The following ARL6IP1 variants were observed in gnomAD, a reference collection of about 807,000 sequenced individuals.
The protein encoded by ARL6IP1 is ADP-ribosylation factor-like protein 6-interacting protein 1.
ARL6IP1 carries 16 observed loss-of-function variants against 30.1 expected under a neutral mutation model. That is an observed-to-expected ratio of 0.53 (90% CI 0.36 to 0.81). The LOEUF is 0.81. ARL6IP1 is among the 30% of genes least tolerant of loss of function. The pLI is 0.01. For synonymous variants in ARL6IP1, 72 were observed against 84.8 expected, an observed-to-expected ratio of 0.85 and a Z score of 0.83; for missense variants, 173 against 242.7, an observed-to-expected ratio of 0.71 and a Z score of 1.91.
chr16:18,801,513 A>G lies in ARL6IP1; in HGVS notation c.-47T>C, dbSNP rs745799515. 6.2e-6 allele frequency: 10 copies of G among 1,602,554 alleles called. No individual in the cohort carries two copies. Among genetic ancestry groups the G allele is most frequent in the Admixed American group, 5.2e-5 (3 of 57,204 alleles). Reference sequence around the variant, plus strand: ...ACAAGCGCAGGCCACCTCCCCAACGAGTCCTCCAACCGAAACCCGCACACC... The same window carrying G: ...ACAAGCGCAGGCCACCTCCCCAACGGGTCCTCCAACCGAAACCCGCACACC... On this transcript the variant is annotated 5_prime_UTR_variant, in exon 1 of 6. Transcript: ENST00000304414.
In ARL6IP1 at chr16:18,798,579, A is replaced by G. The variant is rs921934814; in HGVS notation, c.170+122T>C. The stretch of plus-strand genomic sequence containing the variant: ...GAAGTGCTTATGAGAAACATTCTTT[A>G]TGGGTTCTTTATGGGTTATATATTA... On this transcript the variant is annotated intron_variant, in intron 2 of 5. Coordinates refer to ENST00000304414, the MANE Select transcript of ARL6IP1 (RefSeq NM_015161.3). 2.4e-5 allele frequency: 26 copies of G among 1,066,486 alleles called. No individual in the cohort carries two copies. The African/African-American group carries it at 3.6e-4, about 15-fold the overall frequency. The allele number at this position is 1,066,486 out of a possible 1,614,324, so 66.1% of individuals were successfully genotyped here.
intron 3 of ARL6IP1, among the ~76,000 whole-genome samples, chr16:18,796,893 A>G (rs1162400338): frequency 6.6e-6 from 1 of 152,254 alleles, no homozygotes; most frequent in Non-Finnish European, 1.5e-5. Context: ...AAACAACCAA[A>G]GGCACAAGTA....
chr16:18,793,159 A>T lies in ARL6IP1; in HGVS notation c.*93T>A. 1 of 796,742 alleles carries T rather than the reference A, an allele frequency of 1.3e-6. No homozygotes were observed. The highest frequency in any genetic ancestry group is 2.0e-6 in the Non-Finnish European group (1 of 491,650). 49.4% of individuals were successfully genotyped at this position (796,742 alleles called of 1,614,324 possible). On this transcript the variant is annotated 3_prime_UTR_variant, in exon 6 of 6. Transcript: ENST00000304414. ...GCAGAGTGAGGGAGAACAAAGAGCT[A>T]CTTCCGTAACATTTTAGTATCCAGA... is the stretch of plus-strand genomic sequence containing the variant.
rs144758973 is a variant in ARL6IP1, at chr16:18,792,112, A to T, written c.*1140T>A. ...AGCTACCAAGAAGTTAAGAATGATTATAAGAAGCTTTCCAAGGAGTTATGA... is the reference window on the plus strand; with the variant it reads ...AGCTACCAAGAAGTTAAGAATGATTTTAAGAAGCTTTCCAAGGAGTTATGA... On this transcript the variant is annotated 3_prime_UTR_variant, in exon 6 of 6. Coordinates refer to ENST00000304414, the MANE Select transcript of ARL6IP1 (RefSeq NM_015161.3). 0.011 allele frequency: 1,659 copies of T among 152,392 alleles called. 16 individuals are homozygous for T. Among genetic ancestry groups the T allele is most frequent in the Non-Finnish European group, 0.018 (1,235 of 68,036 alleles). 9.4% of individuals were successfully genotyped at this position (152,392 alleles called of 1,614,324 possible). A position where few individuals can be genotyped will look rare whatever the true frequency, so the allele number is the denominator to read the frequency against.
chr16:18,794,539 G>C, intron 5 of ARL6IP1, 60 bp downstream of exon 5: 1 of 1,264,528 alleles, frequency 7.9e-7, no homozygotes, highest in Non-Finnish European at 1.2e-6. Flanking sequence ...GTTTACTGAC[G>C]AAGTTACAGT....
rs2030283876 is a variant in ARL6IP1 at position 18,797,714 on chromosome 16, G to A, written c.290+211C>T. On this transcript the variant is annotated intron_variant, in intron 3 of 5. Transcript: ENST00000304414. ...TCAATGGAAATGTAAAAATGTATATGTGCATTTACCATAAAAGAACTATGG... is the reference window on the plus strand; with the variant it reads ...TCAATGGAAATGTAAAAATGTATATATGCATTTACCATAAAAGAACTATGG... The A allele has an allele frequency of 6.5e-6, 3 of 464,822 alleles. No homozygotes were observed. In the South Asian group the frequency reaches 1.2e-4, roughly 19 times the overall value. 28.8% of individuals were successfully genotyped at this position (464,822 alleles called of 1,614,324 possible). A position where few individuals can be genotyped will look rare whatever the true frequency, so the allele number is the denominator to read the frequency against.
At chr16:18,798,102 C>T in intron 2 of ARL6IP1, 58 bp from the exon 3 acceptor site, 2 of 1,473,142 alleles carry the variant, frequency 1.4e-6, no homozygotes, top group Non-Finnish European at 1.8e-6. Context: ...CCTAACTAAA[C>T]ATGTCTAACT....
rs567219936 is a variant in ARL6IP1, at chr16:18,799,758, T to G, written c.37-924A>C. Among the ~76,000 whole-genome samples the G allele has an allele frequency of 1.1e-3, 169 of 152,308 alleles. 1 individual carries two copies. The highest frequency in any genetic ancestry group is 3.9e-3 in the African/African-American group (163 of 41,572). On this transcript the variant is annotated intron_variant, in intron 1 of 5. Transcript: ENST00000304414. ...GTCAATATACCTCCTCAATACAGTGTTTCTTACCACTCAGGATGTCATTTT... is the reference window on the plus strand; with the variant it reads ...GTCAATATACCTCCTCAATACAGTGGTTCTTACCACTCAGGATGTCATTTT...
At position 18,801,523 on chromosome 16, in the gene ARL6IP1, C is replaced by A. The variant is rs942565508; in HGVS notation, c.-57G>T. Reference sequence around the variant, plus strand: ...GCCACCTCCCCAACGAGTCCTCCAACCGAAACCCGCACACCAACCACAACC... The same window carrying A: ...GCCACCTCCCCAACGAGTCCTCCAAACGAAACCCGCACACCAACCACAACC... On this transcript the variant is annotated 5_prime_UTR_variant, in exon 1 of 6. Coordinates refer to ENST00000304414, the MANE Select transcript of ARL6IP1 (RefSeq NM_015161.3). 6.9e-6 allele frequency: 11 copies of A among 1,594,542 alleles called. No individual in the cohort carries two copies. Among genetic ancestry groups the A allele is most frequent in the Non-Finnish European group, 9.4e-6 (11 of 1,171,862 alleles).
rs777650516 is a variant in ARL6IP1, at chr16:18,793,333, A to C, written c.531T>G (p.His177Gln). The C allele has an allele frequency of 2.5e-6, 4 of 1,612,786 alleles. No individual in the cohort carries two copies. In the African/African-American group the frequency reaches 5.3e-5, roughly 22 times the overall value. The change falls in exon 6 of 6, where the codon CAT becomes CAG. Residue 177 changes from histidine to glutamine, a missense_variant. His to Gln is a conservative substitution (Grantham distance 24). Coordinates refer to ENST00000304414, the MANE Select transcript of ARL6IP1 (RefSeq NM_015161.3). ...SLLLLPGLNQ[H>Q]GIILKYIGMA... Reference sequence around the variant, plus strand: ...TTCCAATGTACTTCAAAATGATTCCATGTTGGTTTAGTCCAGGAAGCAATA... The same window carrying C: ...TTCCAATGTACTTCAAAATGATTCCCTGTTGGTTTAGTCCAGGAAGCAATA...
intron 1 of ARL6IP1, among the ~76,000 whole-genome samples, 192 bp from the exon 2 acceptor site, chr16:18,799,026 GTT>G (rs372115567): frequency 6.8e-6 from 1 of 146,968 alleles, no homozygotes. Context: ...TGTTTTTTGT[GTT>G]TTTTTTTTTG....
chr16:18,797,183 T>A (rs2030258165), intron 3 of ARL6IP1, among the ~76,000 whole-genome samples: 1 of 150,218 alleles, frequency 6.7e-6, no homozygotes, highest in East Asian at 1.9e-4. Context: ...ATCGAGACCA[T>A]CCTGGCTAAC....
intron 3 of ARL6IP1, among the ~76,000 whole-genome samples, chr16:18,796,627 G>GCTAA (rs1230578761): frequency 1.3e-5 from 2 of 152,136 alleles, no homozygotes; most frequent in African/African-American, 4.8e-5. Context: ...TATTTCCTTT[G>GCTAA]CTAACTCTGT....
chr16:18,794,456 T>C (rs1466266525), intron 5 of ARL6IP1, 143 bp downstream of exon 5: 1 of 533,450 alleles, frequency 1.9e-6, no homozygotes, highest in South Asian at 2.6e-5. Flanking sequence ...TTTCACTTTC[T>C]ATGAGACCAT....
At chr16:18,798,966 T>G in intron 1 of ARL6IP1, 132 bp from the exon 2 acceptor site, 1 of 1,017,236 alleles carries the variant, frequency 9.8e-7, no homozygotes, top group Non-Finnish European at 1.4e-6. Flanking sequence ...TTAAACTAGT[T>G]GGTTTCTGAA....
In ARL6IP1 at chr16:18,791,969, C is replaced by A. The variant is rs1399564784; in HGVS notation, c.*1283G>T. 3 of 152,706 alleles carry A rather than the reference C, an allele frequency of 2.0e-5. No homozygotes were observed. The East Asian group carries it at 5.8e-4, about 29-fold the overall frequency. The allele number at this position is 152,706 out of a possible 1,614,324, so 9.5% of individuals were successfully genotyped here. On this transcript the variant is annotated 3_prime_UTR_variant, in exon 6 of 6. Transcript: ENST00000304414. ...TATACCACAAGGTACAACATCAGTGCAATAAATTCACAAAACTATATTACA... is the reference window on the plus strand; with the variant it reads ...TATACCACAAGGTACAACATCAGTGAAATAAATTCACAAAACTATATTACA...
chr16:18,800,611 C>T (rs1162873170), intron 1 of ARL6IP1, among the ~76,000 whole-genome samples: 1 of 152,206 alleles, frequency 6.6e-6, no homozygotes, highest in Non-Finnish European at 1.5e-5. Context: ...CTTGGAAGTT[C>T]AAAAGCCCCT....
At chr16:18,795,224 T>C (rs2030195137) in intron 4 of ARL6IP1, 1 of 371,528 alleles carries the variant, frequency 2.7e-6, no homozygotes, top group Non-Finnish European at 5.0e-6. Context: ...TGTCTTTTAC[T>C]ATTATTTCAG....
chr16:18,801,060 CA>C (rs908328327), intron 1 of ARL6IP1: 1 of 640,952 alleles, frequency 1.6e-6, no homozygotes, highest in Non-Finnish European at 2.1e-6. Context: ...AGGTTAAGAT[CA>C]AAGACGGGGA....
Sources: gnomAD v4.1 joint callset for allele counts (sites outside exome capture counted in the v4.1 genomes callset) on GRCh38, gnomAD v4.1.1 for gene constraint, MANE v1.5 for transcripts, NCBI Gene and HGNC (gene_info 2026-07-23, HGNC 2026-07-21) for gene names.